The following UBE2K variants were observed in gnomAD, a reference collection of about 807,000 sequenced individuals.
UBE2K encodes the protein ubiquitin-conjugating enzyme E2 K.
UBE2K carries 6 observed loss-of-function variants against 30.0 expected under a neutral mutation model. The ratio of observed to expected loss-of-function variants is 0.20; its 90% CI spans 0.11 to 0.39. The LOEUF is 0.39. Among genes scored for constraint, UBE2K ranks in the 10% least tolerant of loss-of-function variants. UBE2K has a pLI of 1.00. For missense variants in UBE2K, 61 were observed against 241.6 expected, an observed-to-expected ratio of 0.25 and a Z score of 4.96; for synonymous variants, 86 against 83.7, an observed-to-expected ratio of 1.03 and a Z score of -0.15.
At chr4:39,755,518 C>A in intron 3 of UBE2K, 139 bp from the exon 4 acceptor site, 1 of 609,694 alleles carries the variant, frequency 1.6e-6, no homozygotes, top group East Asian at 3.0e-5. Flanking sequence ...CTTCTACACC[C>A]CTTCTTTCAC....
At chr4:39,762,619 A>G (rs191104899) in intron 4 of UBE2K, among the ~76,000 whole-genome samples, 2 of 152,316 alleles carry the variant, frequency 1.3e-5, no homozygotes, top group Non-Finnish European at 2.9e-5. Context: ...AACAGAGAGC[A>G]GGGAAGTTGC....
intron 1 of UBE2K, among the ~76,000 whole-genome samples, chr4:39,725,252 A>G (rs1719680481): frequency 6.6e-6 from 1 of 151,880 alleles, no homozygotes; most frequent in African/African-American, 2.4e-5. Flanking sequence ...GCATGGTGTC[A>G]TGCACCTGTA....
intron 1 of UBE2K, among the ~76,000 whole-genome samples, chr4:39,723,728 A>G (rs1719564264): frequency 6.6e-6 from 1 of 152,192 alleles, no homozygotes; most frequent in Non-Finnish European, 1.5e-5. Flanking sequence ...TTGTAATTTA[A>G]ATTTTTGTTA....
At chr4:39,730,914 G>C (rs1426290657) in intron 1 of UBE2K, among the ~76,000 whole-genome samples, 1 of 147,918 alleles carries the variant, frequency 6.8e-6, no homozygotes, top group Non-Finnish European at 1.5e-5. Context: ...GGTTCAAGCA[G>C]TTCTCCTGCC....
intron 2 of UBE2K, 42 bp from the exon 3 acceptor site, chr4:39,745,710 A>T: frequency 2.2e-6 from 3 of 1,339,702 alleles, no homozygotes; most frequent in Non-Finnish European, 3.2e-6. Context: ...TATATATTTG[A>T]ATTGAGCAGC....
rs28670201 is a variant in UBE2K at position 39,758,146 on chromosome 4, C to T, written c.299+2407C>T. 7.5e-3 allele frequency among the ~76,000 whole-genome samples: 1,146 copies of T among 152,304 alleles called. 15 individuals carry two copies. The highest frequency in any genetic ancestry group is 0.026 in the African/African-American group (1,083 of 41,554). Reference sequence around the variant, plus strand: ...TCCCCAACTAAGTTATTGGCAAATACGTCCTTGCATTTTCTCAGGCCAAAA... The same window carrying T: ...TCCCCAACTAAGTTATTGGCAAATATGTCCTTGCATTTTCTCAGGCCAAAA... On this transcript the variant is annotated intron_variant, in intron 4 of 6. Transcript: ENST00000261427.
At chr4:39,760,071 T>TG (rs1421285268) in intron 4 of UBE2K, among the ~76,000 whole-genome samples, 8 of 140,444 alleles carry the variant, frequency 5.7e-5, no homozygotes, top group Admixed American at 1.6e-4. Context: ...CAGCTACTCG[T>TG]GGGGCTGAGA....
chr4:39,743,885 T>C (rs1346497692), intron 2 of UBE2K, among the ~76,000 whole-genome samples: 1 of 152,158 alleles, frequency 6.6e-6, no homozygotes, highest in Non-Finnish European at 1.5e-5. Context: ...TTATTTGAGA[T>C]AGATTCTTGC....
chr4:39,726,485 T>C (rs1004580135), intron 1 of UBE2K, among the ~76,000 whole-genome samples: 5 of 152,024 alleles, frequency 3.3e-5, no homozygotes, highest in Admixed American at 3.3e-4. Context: ...TCTCCCAAAG[T>C]GCTGGGATTA....
Position 39,698,291 on chromosome 4 carries a change from C to A in UBE2K, c.-37C>A. The stretch of plus-strand genomic sequence containing the variant: ...GCGGTGGCGGTGGTCGTAGCGGTGG[C>A]GGAGGAGGCGGGTACGAATCAGCTG... On this transcript the variant is annotated 5_prime_UTR_variant, in exon 1 of 7. Coordinates refer to ENST00000261427, the MANE Select transcript of UBE2K (RefSeq NM_005339.5). 1 of 1,596,538 alleles carries A rather than the reference C, an allele frequency of 6.3e-7. No individual in the cohort carries two copies. The highest frequency in any genetic ancestry group is 8.5e-7 in the Non-Finnish European group (1 of 1,170,672).
At chr4:39,753,294 C>T (rs1356104442) in intron 3 of UBE2K, among the ~76,000 whole-genome samples, 2 of 152,022 alleles carry the variant, frequency 1.3e-5, no homozygotes, top group Non-Finnish European at 2.9e-5. Context: ...TAAGATGGAT[C>T]ACCTGAGTCT....
intron 1 of UBE2K, among the ~76,000 whole-genome samples, chr4:39,710,334 G>C (rs533563736): frequency 1.4e-4 from 21 of 151,948 alleles, no homozygotes; most frequent in African/African-American, 4.8e-4. Flanking sequence ...AGTGGCAGCA[G>C]AGCAAGACCT....
rs566002407 is a variant in UBE2K, at chr4:39,781,667, C to G, written c.*3233C>G. 1 of 351,598 alleles carries G rather than the reference C, an allele frequency of 2.8e-6. No homozygotes were observed. The highest frequency in any genetic ancestry group is 4.7e-5 in the Admixed American group (1 of 21,332). 21.8% of individuals were successfully genotyped at this position (351,598 alleles called of 1,614,324 possible). A position where few individuals can be genotyped will look rare whatever the true frequency, so the allele number is the denominator to read the frequency against. On this transcript the variant is annotated 3_prime_UTR_variant, in exon 7 of 7. Coordinates refer to ENST00000261427, the MANE Select transcript of UBE2K (RefSeq NM_005339.5). ...ATTTAAGATGGATTGGGGTAGGGAACAGCTGGAGCCAGGTATACCTTCTAG... is the reference window on the plus strand; with the variant it reads ...ATTTAAGATGGATTGGGGTAGGGAAGAGCTGGAGCCAGGTATACCTTCTAG...
intron 2 of UBE2K, among the ~76,000 whole-genome samples, chr4:39,744,192 C>T (rs1286016497): frequency 2.0e-5 from 3 of 151,726 alleles, no homozygotes; most frequent in Non-Finnish European, 4.4e-5. Context: ...GTTATCCTTT[C>T]CTTGAGTACC....
intron 1 of UBE2K, among the ~76,000 whole-genome samples, chr4:39,731,996 G>A (rs1170332832): frequency 5.9e-5 from 9 of 151,970 alleles, no homozygotes; most frequent in Admixed American, 5.9e-4. Context: ...TTATTTTAGA[G>A]CATTTTTTAA....
At chr4:39,723,587 C>G (rs1320919488) in intron 1 of UBE2K, among the ~76,000 whole-genome samples, 1 of 151,828 alleles carries the variant, frequency 6.6e-6, no homozygotes, top group Admixed American at 6.6e-5. Flanking sequence ...CCAGGGTGGT[C>G]TCAATCTCCT....
At chr4:39,745,661 A>T (rs1273535585) in intron 2 of UBE2K, 91 bp from the exon 3 acceptor site, 2 of 806,580 alleles carry the variant, frequency 2.5e-6, no homozygotes, top group Admixed American at 5.7e-5. Flanking sequence ...AATTGAATAT[A>T]AAATAGCTGC....
chr4:39,746,446 C>T (rs1720994471), intron 3 of UBE2K, among the ~76,000 whole-genome samples: 1 of 152,088 alleles, frequency 6.6e-6, no homozygotes, highest in Non-Finnish European at 1.5e-5. Flanking sequence ...AACTTTATTC[C>T]CTGTTTTGTC....
At chr4:39,754,274 G>A (rs1418778129) in intron 3 of UBE2K, among the ~76,000 whole-genome samples, 1 of 152,162 alleles carries the variant, frequency 6.6e-6, no homozygotes, top group Non-Finnish European at 1.5e-5. Flanking sequence ...ATCTTTGAAA[G>A]TAGTAAGATT....
Sources: allele counts gnomAD v4.1 joint callset (sites outside exome capture counted in the v4.1 genomes callset), GRCh38; gene constraint gnomAD v4.1.1; transcripts MANE v1.5; gene names NCBI Gene and HGNC (gene_info 2026-07-23, HGNC 2026-07-21).